Variants in AKAP6 observed in about 807,000 individuals in gnomAD.
AKAP6 encodes the protein A-kinase anchor protein 6.
A neutral mutation model predicts 188.5 loss-of-function variants in AKAP6; 58 were observed. The ratio of observed to expected loss-of-function variants is 0.31; its 90% CI spans 0.25 to 0.38. The LOEUF (loss-of-function observed/expected upper bound fraction) is 0.38. Ranked by LOEUF, AKAP6 falls within the 10% of genes least tolerant of loss-of-function variation. The pLI, the probability that AKAP6 is intolerant of heterozygous loss-of-function variation, is 1.00. For synonymous variants in AKAP6, 989 were observed against 998.6 expected (o/e 0.99, Z 0.18); for missense variants, 2,710 against 2,740.0 (o/e 0.99, Z 0.24).
At chr14:32,772,029 T>A (rs540311197) in intron 11 of AKAP6, among the ~76,000 whole-genome samples, 3 of 152,006 alleles carry the variant, frequency 2.0e-5, no homozygotes, top group Admixed American at 2.0e-4. Flanking sequence ...AAGAGATAAA[T>A]TGAAGGGTGT....
At chr14:32,802,724 A>G (rs2033983186) in intron 12 of AKAP6, among the ~76,000 whole-genome samples, 1 of 152,228 alleles carries the variant, frequency 6.6e-6, no homozygotes, top group Non-Finnish European at 1.5e-5. Context: ...AAAAAATTGG[A>G]AATATGAATT....
At chr14:32,421,164 A>C (rs1889836690) in intron 1 of AKAP6, among the ~76,000 whole-genome samples, 1 of 152,050 alleles carries the variant, frequency 6.6e-6, no homozygotes, top group African/African-American at 2.4e-5. Context: ...CTGAGGTTTC[A>C]AATAATGTGA....
At chr14:32,687,397 ACTATCTCTCT>A (rs1889970334) in intron 8 of AKAP6, among the ~76,000 whole-genome samples, 1 of 85,208 alleles carries the variant, frequency 1.2e-5, no homozygotes, top group African/African-American at 4.8e-5. Context: ...TGTCATACTA[ACTATCTCTCT>A]CTCTCTCTCT....
At chr14:32,673,098 C>T (rs931852256) in intron 7 of AKAP6, among the ~76,000 whole-genome samples, 1 of 152,202 alleles carries the variant, frequency 6.6e-6, no homozygotes, top group African/African-American at 2.4e-5. Flanking sequence ...CACAACTCTG[C>T]GCCCCTGAAC....
chr14:32,463,523 G>T (rs1365264800), intron 2 of AKAP6, among the ~76,000 whole-genome samples: 1 of 152,134 alleles, frequency 6.6e-6, no homozygotes, highest in African/African-American at 2.4e-5. Flanking sequence ...TGAAATTAAG[G>T]CAGAAATAAA....
chr14:32,717,550 T>C (rs1367554227), intron 9 of AKAP6, among the ~76,000 whole-genome samples: 1 of 151,892 alleles, frequency 6.6e-6, no homozygotes, highest in Non-Finnish European at 1.5e-5. Flanking sequence ...TCTCCATCAT[T>C]ACATTCTCCA....
intron 5 of AKAP6, among the ~76,000 whole-genome samples, chr14:32,587,429 G>A (rs1193628500): frequency 6.6e-6 from 1 of 152,178 alleles, no homozygotes; most frequent in Non-Finnish European, 1.5e-5. Context: ...GGGGGCAAAA[G>A]CACGTTTGGA....
At chr14:32,497,732 G>A (rs1015922562) in intron 2 of AKAP6, among the ~76,000 whole-genome samples, 4 of 151,684 alleles carry the variant, frequency 2.6e-5, no homozygotes, top group Admixed American at 2.0e-4. Context: ...TGAAAGAGGG[G>A]CATTAAAATC....
rs183577899 is a variant in AKAP6 at position 32,662,278 on chromosome 14, T to G, written c.2731-16033T>G. Among the ~76,000 whole-genome samples the G allele has an allele frequency of 2.3e-3, 347 of 152,224 alleles. 3 individuals are homozygous for G. The highest frequency in any genetic ancestry group is 7.8e-3 in the African/African-American group (324 of 41,550). On this transcript the variant is annotated intron_variant, in intron 7 of 13. Transcript: ENST00000280979. ...GACTAACAGTAGAATGTTTGTCATT[T>G]TAAAAAAATACACTTCTCTCTTAGG...
chr14:32,589,932 ATC>A (rs1885418106), intron 5 of AKAP6, among the ~76,000 whole-genome samples: 1 of 152,098 alleles, frequency 6.6e-6, no homozygotes, highest in South Asian at 2.1e-4. Flanking sequence ...GTCACCTACA[ATC>A]TCTCTCCATG....
At chr14:32,600,921 A>C (rs7141388) in intron 7 of AKAP6, 129 bp downstream of exon 7, 369,815 of 762,134 alleles carry the variant, frequency 0.49, 92,658 homozygotes, top group East Asian at 0.82. Context: ...CTCTCTCTAT[A>C]TATATATAAA....
chr14:32,821,786 A>G lies in AKAP6; in HGVS notation c.3973A>G (p.Ser1325Gly). ...GCCTAATGTTTTAACTAAGAGTCTCAGTAAAGACTCTTCATTTTCATCTAC... is the reference window on the plus strand; with the variant it reads ...GCCTAATGTTTTAACTAAGAGTCTCGGTAAAGACTCTTCATTTTCATCTAC... ...TQPNVLTKSL[S>G]KDSSFSSTKS... Residue 1325 changes from serine (S) to glycine (G), a missense_variant, in exon 13 of 14, where the codon AGT (serine) becomes GGT (glycine). Transcript: ENST00000280979. 5.6e-6 allele frequency: 9 copies of G among 1,613,828 alleles called. No individual in the cohort carries two copies. Among genetic ancestry groups the G allele is most frequent in the Non-Finnish European group, 7.6e-6 (9 of 1,179,910 alleles).
At position 32,456,337 on chromosome 14, in the gene AKAP6, A is replaced by G. The variant is rs369345640; in HGVS notation, c.324+22520A>G. Among the ~76,000 whole-genome samples, 18 of 152,364 alleles carry G rather than the reference A, an allele frequency of 1.2e-4. No individual in the cohort carries two copies. The East Asian group carries it at 3.5e-3, about 29-fold the overall frequency. On this transcript the variant is annotated intron_variant, in intron 2 of 13. Coordinates refer to ENST00000280979, the MANE Select transcript of AKAP6 (RefSeq NM_004274.5). ...ATCTTTCAAAATGAAGAAAAAATAG[A>G]AATATTGTCTTTAGGCCACAGAAAT...
intron 7 of AKAP6, among the ~76,000 whole-genome samples, chr14:32,632,678 G>A (rs1463396300): frequency 6.6e-6 from 1 of 151,996 alleles, no homozygotes; most frequent in African/African-American, 2.4e-5. Flanking sequence ...CTGACCTTTT[G>A]GAAAGGACTT....
At chr14:32,722,587 G>A (rs936088880) in intron 9 of AKAP6, among the ~76,000 whole-genome samples, 5 of 152,200 alleles carry the variant, frequency 3.3e-5, no homozygotes, top group South Asian at 2.1e-4. Context: ...AGCTCCACTG[G>A]CAGAGCAGAG....
chr14:32,488,997 G>A lies in AKAP6; in HGVS notation c.325-46557G>A, dbSNP rs952162069. 2.9e-4 allele frequency among the ~76,000 whole-genome samples: 44 copies of A among 152,234 alleles called. 1 individual carries two copies. The highest frequency in any genetic ancestry group is 3.3e-4 in the Admixed American group (5 of 15,294). ...AATCCCCTGGTTTTATGTCTTTATAGCTTATTTTTCCATTAAAATTTTGTA... is the reference window on the plus strand; with the variant it reads ...AATCCCCTGGTTTTATGTCTTTATAACTTATTTTTCCATTAAAATTTTGTA... On this transcript the variant is annotated intron_variant, in intron 2 of 13. Coordinates refer to ENST00000280979, the MANE Select transcript of AKAP6 (RefSeq NM_004274.5).
chr14:32,522,637 G>A (rs1416032557), intron 2 of AKAP6, among the ~76,000 whole-genome samples: 23 of 152,186 alleles, frequency 1.5e-4, no homozygotes, highest in Admixed American at 1.3e-3. Flanking sequence ...AAATCACAAT[G>A]AGATACCATC....
chr14:32,548,093 CTT>C (rs71115082), intron 4 of AKAP6, among the ~76,000 whole-genome samples: 160 of 104,220 alleles, frequency 1.5e-3, no homozygotes, highest in South Asian at 2.5e-3. Context: ...CTCCCACATG[CTT>C]TTTTTTTTTT....
chr14:32,833,283 G>A lies in AKAP6; in HGVS notation c.*3478G>A, dbSNP rs980916674. The A allele has an allele frequency of 6.6e-6, 1 of 152,154 alleles. No homozygotes were observed. The highest frequency in any genetic ancestry group is 2.4e-5 in the African/African-American group (1 of 41,426). The allele number at this position is 152,154 out of a possible 1,614,324, so 9.4% of individuals were successfully genotyped here. On this transcript the variant is annotated 3_prime_UTR_variant, in exon 14 of 14. Coordinates refer to ENST00000280979, the MANE Select transcript of AKAP6 (RefSeq NM_004274.5). ...TAACACATGGTATCTGTCTCCAAAG[G>A]TTTACAGCTTTTCTTCTGAAAGTGC...
Sources: allele counts gnomAD v4.1 joint callset (sites outside exome capture counted in the v4.1 genomes callset), GRCh38; gene constraint gnomAD v4.1.1; transcripts MANE v1.5; gene names NCBI Gene and HGNC (gene_info 2026-07-23, HGNC 2026-07-21).